MROH9: variants seen among roughly 807,000 people sequenced by gnomAD.
MROH9 encodes the protein maestro heat like repeat family member 9, also known as maestro heat-like repeat-containing protein family member 9.
MROH9 carries 92 observed loss-of-function variants against 98.2 expected under a neutral mutation model. That is an observed-to-expected ratio of 0.94 (90% CI 0.79 to 1.11). MROH9 has a LOEUF of 1.11. Among genes scored for constraint, MROH9 ranks in the 50% most tolerant of loss-of-function variants. The probability of loss-of-function intolerance (pLI) is 0.00; values close to 1 mark genes in which losing one functional copy is unlikely to be tolerated. For missense variants in MROH9, 1,057 were observed against 1,014.8 expected, an observed-to-expected ratio of 1.04 and a Z score of -0.57; for synonymous variants, 397 against 368.9, an observed-to-expected ratio of 1.08 and a Z score of -0.87.
chr1:170,974,995 G>C (rs1033366826), intron 8 of MROH9, among the ~76,000 whole-genome samples: 1 of 151,742 alleles, frequency 6.6e-6, no homozygotes, highest in East Asian at 1.9e-4. Flanking sequence ...ATAGCAAAAA[G>C]TTATATATAT....
intron 17 of MROH9, among the ~76,000 whole-genome samples, chr1:171,022,252 T>C (rs769298733): frequency 3.3e-5 from 5 of 152,214 alleles, no homozygotes; most frequent in Non-Finnish European, 7.3e-5. Context: ...ACTGAGTATA[T>C]ACCCGAAGGA....
intron 8 of MROH9, among the ~76,000 whole-genome samples, chr1:170,974,592 TAA>T (rs1360140026): frequency 2.0e-5 from 3 of 151,734 alleles, no homozygotes. Context: ...AAAAGTAAAA[TAA>T]AGACATTTTA....
chr1:171,042,158 G>A (rs937051942), intron 20 of MROH9, among the ~76,000 whole-genome samples: 11 of 151,878 alleles, frequency 7.2e-5, no homozygotes, highest in Non-Finnish European at 1.2e-4. Context: ...CTAGCTTCTG[G>A]TAACCATCCT....
chr1:170,935,636 T>G (rs964159017), intron 1 of MROH9, 49 bp downstream of exon 1: 2 of 152,168 alleles, frequency 1.3e-5, no homozygotes, highest in Non-Finnish European at 2.9e-5. Flanking sequence ...CTTGTCTTTT[T>G]TTCTAATCCT....
At chr1:170,976,895 A>G (rs890213013) in intron 8 of MROH9, among the ~76,000 whole-genome samples, 2 of 151,994 alleles carry the variant, frequency 1.3e-5, no homozygotes, top group African/African-American at 2.4e-5. Context: ...CTCTTTATAT[A>G]ATCTTGTATT....
At chr1:170,958,376 G>A (rs1649862031) in intron 3 of MROH9, 85 bp from the exon 4 acceptor site, 1 of 737,266 alleles carries the variant, frequency 1.4e-6, no homozygotes, top group Non-Finnish European at 2.2e-6. Context: ...TCTGTAAAAG[G>A]AAGAAGTGCA....
chr1:170,961,086 A>G (rs186609627), intron 5 of MROH9, among the ~76,000 whole-genome samples: 1 of 152,338 alleles, frequency 6.6e-6, no homozygotes, highest in East Asian at 1.9e-4. Context: ...GCAGCACTTA[A>G]AATAGCAATT....
chr1:170,981,763 T>A (rs1291269935), intron 8 of MROH9, among the ~76,000 whole-genome samples: 7 of 148,490 alleles, frequency 4.7e-5, no homozygotes, highest in Admixed American at 3.3e-4. Context: ...AAACTCTCTA[T>A]GAAAAAAGAC....
intron 20 of MROH9, among the ~76,000 whole-genome samples, chr1:171,026,478 T>C (rs1437159239): frequency 1.3e-5 from 2 of 150,576 alleles, no homozygotes; most frequent in East Asian, 3.9e-4. Flanking sequence ...TTCACTATGT[T>C]TGCCAGGCTG....
chr1:171,034,366 A>C (rs1022917002), intron 20 of MROH9, among the ~76,000 whole-genome samples: 3 of 152,190 alleles, frequency 2.0e-5, no homozygotes, highest in African/African-American at 7.2e-5. Flanking sequence ...GAACTATTGC[A>C]AAAAGACATC....
At chr1:171,056,783 C>T (rs1167121060) in intron 20 of MROH9, among the ~76,000 whole-genome samples, 1 of 152,180 alleles carries the variant, frequency 6.6e-6, no homozygotes, top group Admixed American at 6.5e-5. Context: ...TGTTCTCCAG[C>T]CTCCTTGAGT....
In MROH9 at chr1:170,992,317, G is replaced by T; in HGVS notation, c.1182G>T (p.Leu394Phe). The T allele has an allele frequency of 1.9e-6, 3 of 1,612,840 alleles. No homozygotes were observed. The highest frequency in any genetic ancestry group is 2.5e-6 in the Non-Finnish European group (3 of 1,179,334). ...GKRFSLDITNLMPLAACQALC... is the reference protein window; with the variant it reads ...GKRFSLDITNFMPLAACQALC... ...GTTTCTCTCTTGATATTACCAACTT[G>T]ATGCCTTTGGCGGTAAATAACACGA... The change falls in exon 12 of 22, where the codon TTG becomes TTT. Residue 394 changes from leucine to phenylalanine, a missense_variant. Transcript: ENST00000367759.
intron 5 of MROH9, 21 bp from the exon 6 acceptor site, chr1:170,961,869 T>G: frequency 7.9e-7 from 1 of 1,262,422 alleles, no homozygotes; most frequent in South Asian, 1.5e-5. Context: ...TGGCTGACTG[T>G]GCAATGTTTT....
intron 20 of MROH9, among the ~76,000 whole-genome samples, chr1:171,057,431 G>A (rs1023130508): frequency 6.6e-6 from 1 of 152,118 alleles, no homozygotes; most frequent in African/African-American, 2.4e-5. Context: ...AGAATGAAAA[G>A]GAACAAACAA....
At chr1:171,006,352 C>G (rs1308121200) in intron 15 of MROH9, among the ~76,000 whole-genome samples, 1 of 152,096 alleles carries the variant, frequency 6.6e-6, no homozygotes, top group South Asian at 2.1e-4. Flanking sequence ...TCAAGCTTAT[C>G]TCTTTTTTTT....
intron 9 of MROH9, among the ~76,000 whole-genome samples, chr1:170,986,242 T>C (rs1024503548): frequency 5.3e-5 from 8 of 152,188 alleles, no homozygotes; most frequent in Admixed American, 2.6e-4. Flanking sequence ...TCTTCATAGT[T>C]GTTTCTGATT....
At chr1:170,977,175 T>C (rs1650735173) in intron 8 of MROH9, among the ~76,000 whole-genome samples, 1 of 152,194 alleles carries the variant, frequency 6.6e-6, no homozygotes, top group African/African-American at 2.4e-5. Context: ...GGACTGGGTT[T>C]TGCTATTCTC....
chr1:170,978,136 T>C (rs1288106783), intron 8 of MROH9, among the ~76,000 whole-genome samples: 1 of 152,068 alleles, frequency 6.6e-6, no homozygotes, highest in African/African-American at 2.4e-5. Flanking sequence ...CTGCTGTTAC[T>C]GAGATTGTTC....
chr1:170,960,664 C>G (rs1283041959), intron 5 of MROH9, among the ~76,000 whole-genome samples: 7 of 152,102 alleles, frequency 4.6e-5, no homozygotes, highest in African/African-American at 1.7e-4. Context: ...GCTCCTTCAC[C>G]CAAACTAGAG....
Sources: allele counts gnomAD v4.1 joint callset (sites outside exome capture counted in the v4.1 genomes callset), GRCh38; gene constraint gnomAD v4.1.1; transcripts MANE v1.5; gene names NCBI Gene and HGNC (gene_info 2026-07-23, HGNC 2026-07-21).